Variants in PATJ observed in about 807,000 individuals in gnomAD.
PATJ encodes the protein PATJ crumbs cell polarity complex component.
In PATJ, 190 loss-of-function variants were observed where a neutral mutation model predicts 224.9. The observed-to-expected ratio is 0.84, with a 90% CI of 0.75 to 0.95. The LOEUF (loss-of-function observed/expected upper bound fraction) is 0.95. Among genes scored for constraint, PATJ ranks in the 40% least tolerant of loss-of-function variants. The pLI is 0.00. For missense variants in PATJ, 2,121 were observed against 2,270.3 expected (o/e 0.93, Z 1.34); for synonymous variants, 769 against 820.3 (o/e 0.94, Z 1.07).
intron 3 of PATJ, among the ~76,000 whole-genome samples, chr1:61,764,615 A>G (rs889266565): frequency 2.0e-5 from 3 of 152,174 alleles, no homozygotes; most frequent in Non-Finnish European, 2.9e-5. Context: ...AATTTAGCAC[A>G]GTTAAGTGAA....
rs531455890 is a variant in PATJ, at chr1:61,816,345, C to G, written c.1684-6600C>G. On this transcript the variant is annotated intron_variant, in intron 14 of 43. Transcript: ENST00000642238. The stretch of plus-strand genomic sequence containing the variant: ...CCCATTTTTAATATGGGAAACTTGA[C>G]TGTCAGGCAGTAAAAGTAAATTGCC... 3.3e-5 allele frequency: 5 copies of G among 152,160 alleles called. No individual in the cohort carries two copies. The East Asian group carries it at 9.7e-4, about 29-fold the overall frequency. 9.4% of individuals were successfully genotyped at this position (152,160 alleles called of 1,614,324 possible). A position where few individuals can be genotyped will look rare whatever the true frequency, so the allele number is the denominator to read the frequency against.
At chr1:61,770,231 G>A (rs1646522196) in intron 5 of PATJ, among the ~76,000 whole-genome samples, 1 of 152,112 alleles carries the variant, frequency 6.6e-6, no homozygotes. Flanking sequence ...GCCATCTAAT[G>A]CAGCATTTCT....
chr1:61,754,983 T>A (rs1430184086), intron 1 of PATJ, among the ~76,000 whole-genome samples: 1 of 151,886 alleles, frequency 6.6e-6, no homozygotes, highest in East Asian at 1.9e-4. Flanking sequence ...GTCTCCAAAA[T>A]GTGCAAGATG....
intron 33 of PATJ, among the ~76,000 whole-genome samples, chr1:62,088,836 T>A (rs1201957789): frequency 2.7e-5 from 4 of 147,430 alleles, no homozygotes; most frequent in African/African-American, 9.9e-5. Flanking sequence ...ATATATAGAA[T>A]ATATAGAACA....
chr1:61,777,724 T>TTTTTTTTTTTTTC (rs765662896), intron 7 of PATJ, among the ~76,000 whole-genome samples: 34 of 106,032 alleles, frequency 3.2e-4, no homozygotes, highest in East Asian at 6.9e-4. Context: ...TTTTTTTTTT[T>TTTTTTTTTTTTTC]TTTAGCATAG....
At chr1:61,921,431 G>C (rs1041990757) in intron 26 of PATJ, among the ~76,000 whole-genome samples, 1 of 152,122 alleles carries the variant, frequency 6.6e-6, no homozygotes, top group South Asian at 2.1e-4. Flanking sequence ...TTTTTTAGAG[G>C]GACACCTATT....
intron 43 of PATJ, among the ~76,000 whole-genome samples, chr1:62,155,053 C>T (rs997654690): frequency 3.9e-5 from 6 of 152,196 alleles, no homozygotes; most frequent in Admixed American, 3.9e-4. Flanking sequence ...TCCTATGACA[C>T]ATTTAACACC....
chr1:61,875,334 T>C lies in PATJ; in HGVS notation c.2927T>C (p.Leu976Pro), dbSNP rs766641742. ...QQGRFDDLEN[L>P]NSLAKTSLDL... is the part of the protein sequence containing the mutation. Reference sequence around the variant, plus strand: ...GGCAGATTTGACGACCTGGAAAATCTTAATTCATTAGCAAAAACTAGTCTG... The same window carrying C: ...GGCAGATTTGACGACCTGGAAAATCCTAATTCATTAGCAAAAACTAGTCTG... The change falls in exon 21 of 44, where the codon CTT becomes CCT. Residue 976 changes from leucine to proline, a missense_variant. Transcript: ENST00000642238. 2.5e-6 allele frequency: 4 copies of C among 1,611,910 alleles called. No individual in the cohort carries two copies. The highest frequency in any genetic ancestry group is 8.5e-7 in the Non-Finnish European group (1 of 1,178,796).
intron 21 of PATJ, among the ~76,000 whole-genome samples, chr1:61,880,503 A>G (rs1667945063): frequency 6.6e-6 from 1 of 152,224 alleles, no homozygotes; most frequent in African/African-American, 2.4e-5. Context: ...AAAATATAGA[A>G]GGTGCATTAG....
rs542680467 is a variant in PATJ at position 61,952,636 on chromosome 1, T to G, written c.3670+24807T>G. Reference sequence around the variant, plus strand: ...GTGCACTGTAGTTTGAATGTCCTTATGATGTTTTTGAAAAGTGGAGCAGTT... The same window carrying G: ...GTGCACTGTAGTTTGAATGTCCTTAGGATGTTTTTGAAAAGTGGAGCAGTT... On this transcript the variant is annotated intron_variant, in intron 27 of 43. Coordinates refer to ENST00000642238, the MANE Select transcript of PATJ (RefSeq NM_001350145.3). Among the ~76,000 whole-genome samples, 42 of 152,368 alleles carry G rather than the reference T, an allele frequency of 2.8e-4. No individual in the cohort carries two copies. The South Asian group carries it at 5.8e-3, about 21-fold the overall frequency.
chr1:61,926,726 T>G (rs1675260233), intron 26 of PATJ, among the ~76,000 whole-genome samples: 1 of 152,224 alleles, frequency 6.6e-6, no homozygotes, highest in Non-Finnish European at 1.5e-5. Flanking sequence ...CGACATTATC[T>G]TAAGTAAATA....
intron 31 of PATJ, among the ~76,000 whole-genome samples, chr1:62,052,714 C>T (rs1653851721): frequency 6.6e-6 from 1 of 150,390 alleles, no homozygotes; most frequent in Non-Finnish European, 1.5e-5. Flanking sequence ...CATTGCACTC[C>T]AGTTTGGGCA....
intron 33 of PATJ, among the ~76,000 whole-genome samples, chr1:62,089,856 A>G (rs549500220): frequency 2.0e-5 from 3 of 152,276 alleles, no homozygotes; most frequent in African/African-American, 4.8e-5. Flanking sequence ...ACCTTCGCAC[A>G]TTTGGTTAAG....
chr1:61,881,404 G>GTTTTTTTT, intron 21 of PATJ, among the ~76,000 whole-genome samples: 1 of 99,540 alleles, frequency 1.0e-5, no homozygotes, highest in Admixed American at 1.4e-4. Context: ...AGTTAAAACA[G>GTTTTTTTT]TTATTTTTTT....
In PATJ at chr1:62,121,184, A is replaced by G; in HGVS notation, c.4894A>G (p.Ser1632Gly). The change falls in exon 38 of 44, where the codon AGT (serine) becomes GGT (glycine). Residue 1632 changes from serine to glycine, a missense_variant. Coordinates refer to ENST00000642238, the MANE Select transcript of PATJ (RefSeq NM_001350145.3). ...ARTTSQNSQGSQQSAHSSCHP... is the reference protein window; with the variant it reads ...ARTTSQNSQGGQQSAHSSCHP... ...GACCCCTGGGTCTTTCTTTCAGGGT[A>G]GTCAGCAGAGTGCACACAGCAGCTG... The G allele has an allele frequency of 6.2e-7, 1 of 1,609,934 alleles. No individual in the cohort carries two copies. Among genetic ancestry groups the G allele is most frequent in the South Asian group, 1.1e-5 (1 of 90,758 alleles).
chr1:61,806,929 A>T (rs574847907), intron 13 of PATJ, among the ~76,000 whole-genome samples: 3 of 152,116 alleles, frequency 2.0e-5, no homozygotes, highest in Non-Finnish European at 2.9e-5. Flanking sequence ...AGAAGGGTGG[A>T]TCACTTGAGG....
Position 61,766,292 on chromosome 1 carries a change from C to T in PATJ, c.203C>T (p.Pro68Leu), listed in dbSNP as rs776171531. The change falls in exon 4 of 44, where the codon CCC becomes CTC. Residue 68 changes from proline (P) to leucine (L), a missense_variant. By Grantham distance (98) the Pro-to-Leu change is moderately conservative. Transcript: ENST00000642238. Reference sequence around the variant, plus strand: ...TCTCTCCAACAGCTCAACCATATACCCTCAGATTGTTCAGCCAACTTTGAT... The same window carrying T: ...TCTCTCCAACAGCTCAACCATATACTCTCAGATTGTTCAGCCAACTTTGAT... ...KQLKGQLNHI[P>L]SDCSANFDFS... 1.2e-6 allele frequency: 2 copies of T among 1,606,696 alleles called. No individual in the cohort carries two copies. Among genetic ancestry groups the T allele is most frequent in the South Asian group, 1.1e-5 (1 of 89,922 alleles).
At chr1:61,989,271 A>G (rs1268333419) in intron 27 of PATJ, among the ~76,000 whole-genome samples, 5 of 152,196 alleles carry the variant, frequency 3.3e-5, no homozygotes, top group Non-Finnish European at 7.3e-5. Flanking sequence ...TTCAACATGT[A>G]TGTTGTTTAA....
chr1:61,796,706 C>CT, intron 10 of PATJ, among the ~76,000 whole-genome samples: 1 of 55,534 alleles, frequency 1.8e-5, no homozygotes, highest in African/African-American at 6.2e-5. Flanking sequence ...TTCTTTCTTT[C>CT]TTTCTTTCTT....
Sources: allele counts gnomAD v4.1 joint callset (sites outside exome capture counted in the v4.1 genomes callset), GRCh38; gene constraint gnomAD v4.1.1; transcripts MANE v1.5; gene names NCBI Gene and HGNC (gene_info 2026-07-23, HGNC 2026-07-21).